The following PDGFC variants were observed in gnomAD, a reference collection of about 807,000 sequenced individuals.
PDGFC encodes platelet-derived growth factor C.
A neutral mutation model predicts 35.5 loss-of-function variants in PDGFC; 12 were observed. That is an observed-to-expected ratio of 0.34 (90% CI 0.22 to 0.55). The LOEUF (loss-of-function observed/expected upper bound fraction) is 0.55. Among genes scored for constraint, PDGFC ranks in the 20% least tolerant of loss-of-function variants. PDGFC has a pLI of 0.91. For missense variants in PDGFC, 322 were observed against 412.4 expected, an observed-to-expected ratio of 0.78 and a Z score of 1.90; for synonymous variants, 159 against 148.8, an observed-to-expected ratio of 1.07 and a Z score of -0.50.
At chr4:156,915,525 G>A (rs1386201368) in intron 1 of PDGFC, among the ~76,000 whole-genome samples, 5 of 152,122 alleles carry the variant, frequency 3.3e-5, no homozygotes, top group Admixed American at 2.0e-4. Context: ...GTGCGGGGGG[G>A]CAGGGTGCAG....
intron 1 of PDGFC, among the ~76,000 whole-genome samples, chr4:156,887,769 T>G (rs1443319530): frequency 5.9e-5 from 9 of 151,880 alleles, no homozygotes; most frequent in Non-Finnish European, 1.5e-5. Flanking sequence ...AACCCCTCAC[T>G]TTGGGAGGCT....
chr4:156,914,095 T>C (rs1422287401), intron 1 of PDGFC, among the ~76,000 whole-genome samples: 4 of 152,190 alleles, frequency 2.6e-5, no homozygotes, highest in Non-Finnish European at 4.4e-5. Flanking sequence ...TGGGGATTTT[T>C]GATCTTCCAA....
At chr4:156,807,048 A>C (rs1209900847) in intron 3 of PDGFC, among the ~76,000 whole-genome samples, 1 of 151,940 alleles carries the variant, frequency 6.6e-6, no homozygotes, top group African/African-American at 2.4e-5. Context: ...CAGAAAGGGA[A>C]AAAAATCAAA....
chr4:156,834,913 C>T (rs541596537), intron 2 of PDGFC, among the ~76,000 whole-genome samples: 108 of 150,770 alleles, frequency 7.2e-4, no homozygotes, highest in Admixed American at 2.0e-3. Flanking sequence ...TATAGTTAGT[C>T]TGAAAATGGC....
chr4:156,915,897 T>A (rs1731146892), intron 1 of PDGFC, among the ~76,000 whole-genome samples: 2 of 152,176 alleles, frequency 1.3e-5, no homozygotes. Flanking sequence ...CGGCTTTTCC[T>A]GCCCCCATGA....
At chr4:156,884,767 A>C (rs1267623531) in intron 1 of PDGFC, among the ~76,000 whole-genome samples, 1 of 152,230 alleles carries the variant, frequency 6.6e-6, no homozygotes, top group Non-Finnish European at 1.5e-5. Flanking sequence ...AAATACACTG[A>C]TACCACATAT....
At chr4:156,804,104 G>A (rs1050658733) in intron 3 of PDGFC, among the ~76,000 whole-genome samples, 2 of 133,636 alleles carry the variant, frequency 1.5e-5, no homozygotes, top group African/African-American at 6.4e-5. Flanking sequence ...AAATACACAT[G>A]TATTAAACAT....
In PDGFC at chr4:156,941,575, T is replaced by C. The variant is rs569908648; in HGVS notation, c.118+29211A>G. Among the ~76,000 whole-genome samples the C allele has an allele frequency of 6.6e-5, 10 of 152,334 alleles. No homozygotes were observed. The South Asian group carries it at 2.1e-3, about 32-fold the overall frequency. ...AATGTTATTGTAATCAATGTTATTA[T>C]TATTTGCTATTTTTTAAATGCCAAG... On this transcript the variant is annotated intron_variant, in intron 1 of 5. Coordinates refer to ENST00000502773, the MANE Select transcript of PDGFC (RefSeq NM_016205.3).
chr4:156,915,610 T>C (rs965759746), intron 1 of PDGFC, among the ~76,000 whole-genome samples: 5 of 152,056 alleles, frequency 3.3e-5, no homozygotes, highest in Non-Finnish European at 5.9e-5. Context: ...CTGGCCAACA[T>C]TGTGAAAACT....
In PDGFC at chr4:156,797,918, G is replaced by A. The variant is rs765896954; in HGVS notation, c.495+12919C>T. Among the ~76,000 whole-genome samples the A allele has an allele frequency of 7.9e-5, 12 of 152,108 alleles. No individual in the cohort carries two copies. The East Asian group carries it at 9.7e-4, about 12-fold the overall frequency. On this transcript the variant is annotated intron_variant, in intron 3 of 5. Transcript: ENST00000502773. ...TAAAATACTTGAGGAGACCAGGCGCGGTGCCTCACGCCAGTAATTCTAGCA... is the reference window on the plus strand; with the variant it reads ...TAAAATACTTGAGGAGACCAGGCGCAGTGCCTCACGCCAGTAATTCTAGCA...
rs116130181 is a variant in PDGFC at position 156,763,024 on chromosome 4, C to T, written c.*66G>A. ...AGATTAAGGATGGAGATAACGCATA[C>T]GTTCTCTAATAGAATCAGCCACTGC... is the stretch of plus-strand genomic sequence containing the variant. On this transcript the variant is annotated 3_prime_UTR_variant, in exon 6 of 6. Coordinates refer to ENST00000502773, the MANE Select transcript of PDGFC (RefSeq NM_016205.3). 1,672 of 813,156 alleles carry T rather than the reference C, an allele frequency of 2.1e-3. 19 individuals are homozygous for T. The African/African-American group carries it at 0.025, about 12-fold the overall frequency. 50.4% of individuals were successfully genotyped at this position (813,156 alleles called of 1,614,324 possible).
At chr4:156,831,839 C>T (rs1728943366) in intron 2 of PDGFC, among the ~76,000 whole-genome samples, 1 of 152,052 alleles carries the variant, frequency 6.6e-6, no homozygotes, top group African/African-American at 2.4e-5. Flanking sequence ...TACAATTTTT[C>T]AAACCTTATT....
chr4:156,959,307 C>G (rs1732283923), intron 1 of PDGFC, among the ~76,000 whole-genome samples: 1 of 151,892 alleles, frequency 6.6e-6, no homozygotes, highest in Non-Finnish European at 1.5e-5. Flanking sequence ...CAAGGTAGAA[C>G]ATGGTCACCA....
chr4:156,954,753 T>C (rs1432439683), intron 1 of PDGFC, among the ~76,000 whole-genome samples: 1 of 151,980 alleles, frequency 6.6e-6, no homozygotes, highest in Non-Finnish European at 1.5e-5. Context: ...AGTTAGCCCC[T>C]TGTAGTTCCT....
At chr4:156,888,379 A>C (rs1221695104) in intron 1 of PDGFC, among the ~76,000 whole-genome samples, 10 of 152,230 alleles carry the variant, frequency 6.6e-5, no homozygotes, top group Admixed American at 5.9e-4. Flanking sequence ...CTTTGTGCAC[A>C]TATTTATACC....
At chr4:156,960,772 TAAGA>T (rs1732324482) in intron 1 of PDGFC, among the ~76,000 whole-genome samples, 1 of 152,032 alleles carries the variant, frequency 6.6e-6, no homozygotes, top group African/African-American at 2.4e-5. Flanking sequence ...CCAACTACTA[TAAGA>T]AATTCATCTA....
At chr4:156,887,746 G>C (rs1730408394) in intron 1 of PDGFC, among the ~76,000 whole-genome samples, 2 of 152,036 alleles carry the variant, frequency 1.3e-5, no homozygotes, top group African/African-American at 4.8e-5. Flanking sequence ...TGGGTGTAGT[G>C]CCACAGGCCT....
intron 1 of PDGFC, among the ~76,000 whole-genome samples, chr4:156,935,620 A>C (rs2110890800): frequency 6.6e-6 from 1 of 152,332 alleles, no homozygotes; most frequent in South Asian, 2.1e-4. Context: ...AAACATGGTT[A>C]TGCAGCACAT....
chr4:156,761,280 T>C lies in PDGFC; in HGVS notation c.*1810A>G, dbSNP rs1354669983. ...AATTTATGCTCACCCCATTTAGTAG[T>C]TGCCAGTGACAATGAAGACATGAGT... On this transcript the variant is annotated 3_prime_UTR_variant, in exon 6 of 6. Coordinates refer to ENST00000502773, the MANE Select transcript of PDGFC (RefSeq NM_016205.3). 1.3e-5 allele frequency: 2 copies of C among 152,238 alleles called. No homozygotes were observed. The highest frequency in any genetic ancestry group is 1.9e-4 in the East Asian group (1 of 5,194). The allele number at this position is 152,238 out of a possible 1,614,324, so 9.4% of individuals were successfully genotyped here. A position where few individuals can be genotyped will look rare whatever the true frequency, so the allele number is the denominator to read the frequency against.
Sources: gnomAD v4.1 joint callset for allele counts (sites outside exome capture counted in the v4.1 genomes callset) on GRCh38, gnomAD v4.1.1 for gene constraint, MANE v1.5 for transcripts, NCBI Gene and HGNC (gene_info 2026-07-23, HGNC 2026-07-21) for gene names.